ZCCHC7: variants seen among roughly 807,000 people sequenced by gnomAD.
ZCCHC7 encodes the protein zinc finger CCHC-type containing 7.
ZCCHC7 carries 35 observed loss-of-function variants against 52.0 expected under a neutral mutation model. That is an observed-to-expected ratio of 0.67 (90% CI 0.51 to 0.89). ZCCHC7 has a LOEUF of 0.89. Among genes scored for constraint, ZCCHC7 ranks in the 40% least tolerant of loss-of-function variants. The pLI is 0.00. For synonymous variants in ZCCHC7, 217 were observed against 221.5 expected (o/e 0.98, Z 0.18); for missense variants, 574 against 649.1 (o/e 0.88, Z 1.26).
chr9:37,131,334 T>C (rs991036294), intron 2 of ZCCHC7, among the ~76,000 whole-genome samples: 63 of 142,244 alleles, frequency 4.4e-4, no homozygotes, highest in Non-Finnish European at 8.6e-4. Flanking sequence ...AGCGAGACTC[T>C]GTCAAAAAAA....
chr9:37,250,045 G>A (rs906187458), intron 2 of ZCCHC7, among the ~76,000 whole-genome samples: 68 of 152,158 alleles, frequency 4.5e-4, no homozygotes, highest in Non-Finnish European at 7.9e-4. Context: ...GTCCAGCCTT[G>A]TAAAGATCAC....
At chr9:37,121,962 A>G (rs929855528) in intron 1 of ZCCHC7, among the ~76,000 whole-genome samples, 1 of 152,222 alleles carries the variant, frequency 6.6e-6, no homozygotes, top group Non-Finnish European at 1.5e-5. Context: ...TTGTGTTTCA[A>G]CTGTCCTGTC....
intron 2 of ZCCHC7, among the ~76,000 whole-genome samples, chr9:37,179,007 ATAT>A (rs1822206641): frequency 6.6e-6 from 1 of 151,944 alleles, no homozygotes; most frequent in South Asian, 2.1e-4. Context: ...TCTATTCTTG[ATAT>A]TATGTGGTCA....
chr9:37,308,599 A>C (rs1381818086), intron 5 of ZCCHC7, among the ~76,000 whole-genome samples: 1 of 152,146 alleles, frequency 6.6e-6, no homozygotes, highest in Non-Finnish European at 1.5e-5. Context: ...AATAATCCCA[A>C]TGAATGTAGG....
In ZCCHC7 at chr9:37,332,516, A is replaced by G. The variant is rs1224029616; in HGVS notation, c.987+4682A>G. Among the ~76,000 whole-genome samples, 5 of 151,634 alleles carry G rather than the reference A, an allele frequency of 3.3e-5. No individual in the cohort carries two copies. The East Asian group carries it at 9.6e-4, about 29-fold the overall frequency. ...ATTTAAATACTTATCTTGTTCTTAA[A>G]GAATTTGCTGTTAAAATTATCATCA... On this transcript the variant is annotated intron_variant, in intron 6 of 8. Transcript: ENST00000336755.
At chr9:37,268,803 A>G (rs1024002007) in intron 2 of ZCCHC7, among the ~76,000 whole-genome samples, 1 of 152,192 alleles carries the variant, frequency 6.6e-6, no homozygotes. Context: ...CTGGCATTTA[A>G]TTCTGAATAG....
At chr9:37,250,522 G>A (rs1393502746) in intron 2 of ZCCHC7, among the ~76,000 whole-genome samples, 1 of 151,930 alleles carries the variant, frequency 6.6e-6, no homozygotes, top group Non-Finnish European at 1.5e-5. Context: ...GACTGATCTC[G>A]AACTCTTGAC....
chr9:37,228,389 AT>A (rs897497698), intron 2 of ZCCHC7, among the ~76,000 whole-genome samples: 39 of 147,976 alleles, frequency 2.6e-4, no homozygotes, highest in Admixed American at 2.7e-4. Context: ...TTATTTATTT[AT>A]TTTTTTTTTT....
intron 1 of ZCCHC7, among the ~76,000 whole-genome samples, chr9:37,125,240 C>T (rs144824589): frequency 5.3e-5 from 8 of 152,318 alleles, no homozygotes; most frequent in African/African-American, 1.7e-4. Context: ...ACTTTGAACT[C>T]CTGAGCTCAA....
intron 2 of ZCCHC7, among the ~76,000 whole-genome samples, chr9:37,270,847 T>G (rs2133501966): frequency 6.6e-6 from 1 of 151,118 alleles, no homozygotes; most frequent in Non-Finnish European, 1.5e-5. Flanking sequence ...GAGCCATTAC[T>G]TTCATTTCTG....
chr9:37,217,190 A>G (rs1343333631), intron 2 of ZCCHC7, among the ~76,000 whole-genome samples: 2 of 152,138 alleles, frequency 1.3e-5, no homozygotes, highest in Non-Finnish European at 2.9e-5. Flanking sequence ...TACTAAAATA[A>G]TGTGTTTATA....
At chr9:37,187,139 T>G (rs74602358) in intron 2 of ZCCHC7, 4,701 of 152,992 alleles carry the variant, frequency 0.031, 164 homozygotes, top group African/African-American at 0.077. Flanking sequence ...TTCCTTTATG[T>G]TGGATTTGGA....
intron 2 of ZCCHC7, among the ~76,000 whole-genome samples, chr9:37,277,233 C>G (rs919192052): frequency 3.3e-5 from 5 of 152,114 alleles, no homozygotes; most frequent in African/African-American, 1.2e-4. Context: ...CATAATGTAC[C>G]AATTTTCCCA....
At chr9:37,220,561 C>T (rs765694232) in intron 2 of ZCCHC7, among the ~76,000 whole-genome samples, 21 of 152,024 alleles carry the variant, frequency 1.4e-4, no homozygotes, top group Non-Finnish European at 3.1e-4. Context: ...AAAGGAAGGG[C>T]ATCACATGAT....
At chr9:37,319,589 G>A (rs541855484) in intron 5 of ZCCHC7, among the ~76,000 whole-genome samples, 17 of 152,088 alleles carry the variant, frequency 1.1e-4, no homozygotes, top group African/African-American at 3.9e-4. Flanking sequence ...CACCATGCTC[G>A]TCTGACTTTT....
chr9:37,143,785 C>A (rs955573083), intron 2 of ZCCHC7, among the ~76,000 whole-genome samples: 1 of 151,494 alleles, frequency 6.6e-6, no homozygotes, highest in African/African-American at 2.4e-5. Flanking sequence ...AAAAGAGTGC[C>A]TCGAGGCTGA....
chr9:37,307,282 G>A (rs537675956), intron 5 of ZCCHC7, among the ~76,000 whole-genome samples: 1 of 152,292 alleles, frequency 6.6e-6, no homozygotes, highest in African/African-American at 2.4e-5. Flanking sequence ...CAGCTTTGAT[G>A]TGGAATATGT....
intron 2 of ZCCHC7, among the ~76,000 whole-genome samples, chr9:37,251,858 G>A (rs1003321310): frequency 6.6e-6 from 1 of 152,196 alleles, no homozygotes; most frequent in African/African-American, 2.4e-5. Flanking sequence ...CATTGAAAAT[G>A]TTAGACTGAG....
intron 2 of ZCCHC7, among the ~76,000 whole-genome samples, chr9:37,152,982 T>A (rs959798324): frequency 7.9e-5 from 12 of 152,310 alleles, no homozygotes; most frequent in African/African-American, 2.9e-4. Flanking sequence ...TGTATCAACT[T>A]GTGGATATTT....
Sources: gnomAD v4.1 joint callset for allele counts (sites outside exome capture counted in the v4.1 genomes callset) on GRCh38, gnomAD v4.1.1 for gene constraint, MANE v1.5 for transcripts, NCBI Gene and HGNC (gene_info 2026-07-23, HGNC 2026-07-21) for gene names.